Variants in CAMSAP1 observed in about 807,000 individuals in gnomAD.
CAMSAP1 encodes the protein calmodulin regulated spectrin associated protein 1.
In CAMSAP1, 58 loss-of-function variants were observed where a neutral mutation model predicts 143.5. That is an observed-to-expected ratio of 0.40 (90% CI 0.33 to 0.50). The LOEUF is 0.50. Ranked by LOEUF, CAMSAP1 falls within the 20% of genes least tolerant of loss-of-function variation. CAMSAP1 has a pLI of 0.45. For missense variants in CAMSAP1, 1,969 were observed against 2,115.7 expected, an observed-to-expected ratio of 0.93 and a Z score of 1.36; for synonymous variants, 945 against 859.3, an observed-to-expected ratio of 1.10 and a Z score of -1.74.
intron 1 of CAMSAP1, among the ~76,000 whole-genome samples, chr9:135,889,813 G>A (rs569490365): frequency 5.3e-5 from 8 of 152,266 alleles, no homozygotes; most frequent in South Asian, 2.1e-4. Context: ...CTGCACCTGA[G>A]GCCCGGCCGG....
rs566966551 is a variant in CAMSAP1, at chr9:135,822,882, C to T, written c.1779G>A (p.Glu593=). 4 of 1,613,938 alleles carry T rather than the reference C, an allele frequency of 2.5e-6. No homozygotes were observed. In the African/African-American group the frequency reaches 5.3e-5, roughly 22 times the overall value. The change falls in exon 11 of 17, where the codon GAG becomes GAA. Residue 593 remains glutamate (E), a synonymous_variant. Transcript: ENST00000389532. This position sits in a 1 kb window ranked among gnomAD's most constrained non-coding sequence, Gnocchi z 6.1. The part of the protein sequence containing the change: ...SESKPDSFFL[E]PLMPAVLKPA... ...GCTTAAGAACTGCTGGCATCAAAGG[C>T]TCCAAGAAAAAACTGTCAGGCTTAC... is the stretch of plus-strand genomic sequence containing the variant.
At chr9:135,889,655 G>A (rs1373019696) in intron 1 of CAMSAP1, among the ~76,000 whole-genome samples, 12 of 152,218 alleles carry the variant, frequency 7.9e-5, no homozygotes, top group South Asian at 2.1e-4. Context: ...TCTCATGAGC[G>A]CAGTGACAGA....
chr9:135,876,449 G>A (rs77658521), intron 3 of CAMSAP1, among the ~76,000 whole-genome samples: 2,061 of 152,244 alleles, frequency 0.014, 49 homozygotes, highest in African/African-American at 0.047. Context: ...AAAGAATGTA[G>A]ACAAGCATCT....
intron 4 of CAMSAP1, among the ~76,000 whole-genome samples, chr9:135,862,949 G>A (rs896273344): frequency 5.3e-5 from 8 of 152,218 alleles, no homozygotes; most frequent in African/African-American, 7.2e-5. Flanking sequence ...CTACACTACC[G>A]AAAGCCGACG....
rs1564416093 is a variant in CAMSAP1, at chr9:135,818,165, C to T, written c.4169-86G>A. On this transcript the variant is annotated intron_variant, in intron 13 of 16. Coordinates refer to ENST00000389532, the MANE Select transcript of CAMSAP1 (RefSeq NM_015447.4). The surrounding 1 kb of genome is among the most constrained non-coding windows in gnomAD (Gnocchi z 7.7). ...CCCTGTACCTGTTCCCCTCACCTCG[C>T]CCTGCAGAGCTCGGCCACACAGGCC... is the stretch of plus-strand genomic sequence containing the variant. 4.3e-6 allele frequency: 6 copies of T among 1,399,812 alleles called. No individual in the cohort carries two copies. Among genetic ancestry groups the T allele is most frequent in the Non-Finnish European group, 5.9e-6 (6 of 1,011,992 alleles). The allele number at this position is 1,399,812 out of a possible 1,614,324, so 86.7% of individuals were successfully genotyped here.
At chr9:135,895,092 C>G (rs1838401964) in intron 1 of CAMSAP1, among the ~76,000 whole-genome samples, 1 of 152,180 alleles carries the variant, frequency 6.6e-6, no homozygotes, top group Non-Finnish European at 1.5e-5. Context: ...AAAAGAAGAA[C>G]AGAGCCTCCA....
In CAMSAP1 at chr9:135,821,418, G is replaced by C. The variant is rs753966664; in HGVS notation, c.3243C>G (p.Pro1081=). The part of the protein sequence containing the change: ...APVHFVEPLS[P]TGVAGHRKAP... Reference sequence around the variant, plus strand: ...CTTTGCGGTGGCCAGCCACGCCCGTGGGAGAGAGTGGCTCCACGAAGTGGA... The same window carrying C: ...CTTTGCGGTGGCCAGCCACGCCCGTCGGAGAGAGTGGCTCCACGAAGTGGA... The change falls in exon 11 of 17, where the codon CCC becomes CCG. Residue 1081 remains proline, a synonymous_variant. Coordinates refer to ENST00000389532, the MANE Select transcript of CAMSAP1 (RefSeq NM_015447.4). This position sits in a 1 kb window ranked among gnomAD's most constrained non-coding sequence, Gnocchi z 4.6. The C allele has an allele frequency of 3.7e-6, 6 of 1,614,032 alleles. No individual in the cohort carries two copies. Among genetic ancestry groups the C allele is most frequent in the African/African-American group, 1.3e-5 (1 of 75,068 alleles).
chr9:135,899,020 A>G (rs1440439733), intron 1 of CAMSAP1, among the ~76,000 whole-genome samples: 1 of 114,008 alleles, frequency 8.8e-6, no homozygotes, highest in African/African-American at 3.4e-5. Context: ...TACTAAGCAA[A>G]AAAGATCTAC....
intron 7 of CAMSAP1, among the ~76,000 whole-genome samples, chr9:135,833,814 AG>A (rs1835929741): frequency 6.6e-6 from 1 of 152,216 alleles, no homozygotes; most frequent in Non-Finnish European, 1.5e-5. Flanking sequence ...AATAAACCAC[AG>A]GAACTACACC....
At position 135,850,135 on chromosome 9, in the gene CAMSAP1, A is replaced by G. The variant is rs751086885; in HGVS notation, c.1045+2T>C. On this transcript the variant is annotated splice_donor_variant, in intron 7 of 16. Coordinates refer to ENST00000389532, the MANE Select transcript of CAMSAP1 (RefSeq NM_015447.4). LOFTEE classifies it high-confidence loss of function. Reference sequence around the variant, plus strand: ...CCAACCTGGGGAATATCTGTCACTCACCGTCTTTCAGCTCCTGAACATCCC... The same window carrying G: ...CCAACCTGGGGAATATCTGTCACTCGCCGTCTTTCAGCTCCTGAACATCCC... The G allele has an allele frequency of 6.2e-7, 1 of 1,604,078 alleles. No individual in the cohort carries two copies.
chr9:135,838,425 C>A (rs1462919581), intron 7 of CAMSAP1, among the ~76,000 whole-genome samples: 1 of 139,324 alleles, frequency 7.2e-6, no homozygotes, highest in African/African-American at 2.7e-5. Context: ...ACTTTCCACC[C>A]GTTCTACAGA....
intron 7 of CAMSAP1, among the ~76,000 whole-genome samples, chr9:135,847,012 C>A (rs955734477): frequency 6.6e-6 from 1 of 152,092 alleles, no homozygotes; most frequent in Non-Finnish European, 1.5e-5. Flanking sequence ...CCATTTGACC[C>A]AGCAATCCCA....
intron 3 of CAMSAP1, among the ~76,000 whole-genome samples, chr9:135,877,302 AC>A (rs1474278915): frequency 6.6e-6 from 1 of 151,956 alleles, no homozygotes; most frequent in Non-Finnish European, 1.5e-5. Flanking sequence ...AAACTAATCC[AC>A]CGTGAAGATG....
In CAMSAP1 at chr9:135,815,234, G is replaced by T. The variant is rs530650471; in HGVS notation, c.4388-19C>A. ...TTGGGACCTAAGAAACGAGGCCAGGGTTGGTAAAATTATTATTTTAAGGCA... is the reference window on the plus strand; with the variant it reads ...TTGGGACCTAAGAAACGAGGCCAGGTTTGGTAAAATTATTATTTTAAGGCA... On this transcript the variant is annotated intron_variant, in intron 15 of 16. Coordinates refer to ENST00000389532, the MANE Select transcript of CAMSAP1 (RefSeq NM_015447.4). The T allele has an allele frequency of 9.7e-6, 15 of 1,545,476 alleles. No homozygotes were observed. Among genetic ancestry groups the T allele is most frequent in the Admixed American group, 9.5e-5 (5 of 52,426 alleles).
In CAMSAP1 at chr9:135,811,495, G is replaced by A; in HGVS notation, c.4623C>T (p.Gly1541=). ...TCTTGGTGATGTTCTTTGGCCCCGT[G>A]CCAGTGAGTTTGTAGATTTCCTCAG... ...PDTEEIYKLT[G]TGPKNITKKM... is the part of the protein sequence containing the mutation. The change falls in exon 17 of 17, where the codon GGC becomes GGT. Residue 1541 remains glycine, a synonymous_variant. Coordinates refer to ENST00000389532, the MANE Select transcript of CAMSAP1 (RefSeq NM_015447.4). This position sits in a 1 kb window ranked among gnomAD's most constrained non-coding sequence, Gnocchi z 4.9. 1.9e-6 allele frequency: 3 copies of A among 1,610,612 alleles called. No homozygotes were observed. The highest frequency in any genetic ancestry group is 2.5e-6 in the Non-Finnish European group (3 of 1,178,226).
At chr9:135,854,068 T>C (rs576256125) in intron 5 of CAMSAP1, among the ~76,000 whole-genome samples, 1 of 152,382 alleles carries the variant, frequency 6.6e-6, no homozygotes, top group East Asian at 1.9e-4. Flanking sequence ...AATCCCCTTT[T>C]GGGCCACTCC....
At chr9:135,830,990 C>A (rs747003282) in intron 7 of CAMSAP1, among the ~76,000 whole-genome samples, 1 of 151,754 alleles carries the variant, frequency 6.6e-6, no homozygotes, top group East Asian at 2.0e-4. Context: ...GGCCAACACA[C>A]TGAAACACCG....
chr9:135,820,625 C>T lies in CAMSAP1; in HGVS notation c.3822+214G>A, dbSNP rs1475320472. 3.3e-5 allele frequency among the ~76,000 whole-genome samples: 5 copies of T among 152,092 alleles called. No homozygotes were observed. The highest frequency in any genetic ancestry group is 5.9e-5 in the Non-Finnish European group (4 of 68,030). The stretch of plus-strand genomic sequence containing the variant: ...TAACAAAGTCGTCTCAGCCACACCA[C>T]GCTCACTTGCATGCGTATTGCCCGG... On this transcript the variant is annotated intron_variant, in intron 11 of 16. Coordinates refer to ENST00000389532, the MANE Select transcript of CAMSAP1 (RefSeq NM_015447.4). This position sits in a 1 kb window ranked among gnomAD's most constrained non-coding sequence, Gnocchi z 4.4.
At chr9:135,853,361 T>C (rs1161238202) in intron 5 of CAMSAP1, among the ~76,000 whole-genome samples, 1 of 152,196 alleles carries the variant, frequency 6.6e-6, no homozygotes, top group Non-Finnish European at 1.5e-5. Flanking sequence ...AGGCTGGGGA[T>C]CTGTGTGCCA....
Sources: gnomAD v4.1 joint callset for allele counts (sites outside exome capture counted in the v4.1 genomes callset) on GRCh38, gnomAD v4.1.1 for gene constraint, Gnocchi (gnomAD v3.1) non-coding constraint, MANE v1.5 for transcripts, NCBI Gene and HGNC (gene_info 2026-07-23, HGNC 2026-07-21) for gene names.